SYNE3: variants seen among roughly 807,000 people sequenced by gnomAD.
The protein encoded by SYNE3 is spectrin repeat containing nuclear envelope family member 3.
Under a neutral mutation model 111.2 loss-of-function variants are expected in SYNE3, and 100 were observed. The observed-to-expected ratio is 0.90, with a 90% CI of 0.77 to 1.06. The LOEUF is 1.06. Among genes scored for constraint, SYNE3 ranks in the 50% least tolerant of loss-of-function variants. The pLI is 0.00. For missense variants in SYNE3, 1,160 were observed against 1,240.3 expected (o/e 0.94, Z 0.97); for synonymous variants, 547 against 533.9 (o/e 1.02, Z -0.34).
At chr14:95,503,022 C>G (rs115583367) in intron 1 of SYNE3, among the ~76,000 whole-genome samples, 1 of 152,132 alleles carries the variant, frequency 6.6e-6, no homozygotes, top group Non-Finnish European at 1.5e-5. Flanking sequence ...ATCTAAGGCA[C>G]GGGGATGAAG....
intron 1 of SYNE3, among the ~76,000 whole-genome samples, chr14:95,504,654 G>C (rs1347006771): frequency 6.6e-6 from 1 of 152,140 alleles, no homozygotes; most frequent in African/African-American, 2.4e-5. Flanking sequence ...CACCTTCCCA[G>C]GGCCTCACGG....
At chr14:95,455,782 C>A in intron 5 of SYNE3, 58 bp from the exon 6 acceptor site, 1 of 1,556,422 alleles carries the variant, frequency 6.4e-7, no homozygotes, top group Non-Finnish European at 8.8e-7. Flanking sequence ...ACAGTTGCTG[C>A]ATTTTCCAGA....
At chr14:95,466,280 C>T (rs1328724787) in intron 3 of SYNE3, 40 bp from the exon 4 acceptor site, 2 of 1,526,138 alleles carry the variant, frequency 1.3e-6, no homozygotes, top group East Asian at 4.6e-5. Context: ...GGGAACCAGC[C>T]ACCTGCCTCC....
intron 14 of SYNE3, 82 bp downstream of exon 14, chr14:95,438,951 A>T: frequency 6.4e-7 from 1 of 1,563,016 alleles, no homozygotes; most frequent in Non-Finnish European, 8.8e-7. Flanking sequence ...CCAGACAGGG[A>T]GGGGCCTGTG....
chr14:95,441,536 T>A (rs780802814), intron 11 of SYNE3, among the ~76,000 whole-genome samples: 2 of 152,196 alleles, frequency 1.3e-5, no homozygotes, highest in Non-Finnish European at 2.9e-5. Context: ...ATATAAACAA[T>A]CAATAAGAAT....
intron 1 of SYNE3, among the ~76,000 whole-genome samples, chr14:95,512,316 G>A (rs1194835157): frequency 1.3e-5 from 2 of 152,106 alleles, no homozygotes; most frequent in Non-Finnish European, 2.9e-5. Context: ...AATTTCATTT[G>A]TATTATGTAA....
intron 1 of SYNE3, among the ~76,000 whole-genome samples, chr14:95,493,058 G>A (rs1444653627): frequency 6.6e-6 from 1 of 152,126 alleles, no homozygotes; most frequent in African/African-American, 2.4e-5. Context: ...AACACCTTCA[G>A]TGATGGGTGG....
rs751271248 is a variant in SYNE3, at chr14:95,452,365, C to T, written c.1156G>A (p.Ala386Thr). The T allele has an allele frequency of 3.1e-6, 5 of 1,610,932 alleles. No individual in the cohort carries two copies. Among genetic ancestry groups the T allele is most frequent in the Admixed American group, 3.3e-5 (2 of 59,712 alleles). The change falls in exon 7 of 18, where the codon GCC becomes ACC. Residue 386 changes from alanine (A) to threonine (T), a missense_variant. Transcript: ENST00000682763. ...RRYSATRAAL[A>T]SEEPRVDRLQ... is the part of the protein sequence containing the mutation. Reference sequence around the variant, plus strand: ...CGGTCCACCCGGGGCTCCTCCGAGGCCAGCGCCGCCCGTGTTGCCTGCAGC... The same window carrying T: ...CGGTCCACCCGGGGCTCCTCCGAGGTCAGCGCCGCCCGTGTTGCCTGCAGC...
At chr14:95,450,804 C>T (rs1479573100) in intron 7 of SYNE3, 1 of 152,224 alleles carries the variant, frequency 6.6e-6, no homozygotes, top group Non-Finnish European at 1.5e-5. Flanking sequence ...TAACAAGCCT[C>T]AGTTTTCTCA....
At chr14:95,418,178 C>T (rs74078423) in intron 17 of SYNE3, 152 bp from the exon 18 acceptor site, 1 of 738,772 alleles carries the variant, frequency 1.4e-6, no homozygotes, top group Non-Finnish European at 2.2e-6. Flanking sequence ...TGAAACAGGG[C>T]TAATGTAAGT....
chr14:95,509,025 C>G (rs903008834), intron 1 of SYNE3, among the ~76,000 whole-genome samples: 10 of 152,236 alleles, frequency 6.6e-5, no homozygotes, highest in Non-Finnish European at 1.0e-4. Context: ...ATAGCGTGCT[C>G]TCTCTGGGCT....
At chr14:95,456,902 G>C (rs186170336) in intron 5 of SYNE3, among the ~76,000 whole-genome samples, 1,665 of 152,100 alleles carry the variant, frequency 0.011, 26 homozygotes, top group African/African-American at 0.038. Flanking sequence ...GGCTAACATG[G>C]TGAAACCCTG....
chr14:95,433,260 C>T lies in SYNE3; in HGVS notation c.2688G>A (p.Leu896=), dbSNP rs1026008556. ...KSKLKDSGHL[L]TQSSPGEPTG... is the part of the protein sequence containing the mutation. ...GGACCTGCACATCCTTGGCACCTAC[C>T]AGCAGGTGGCCAGAGTCCTTCAGCT... Residue 896 remains leucine (L), a splice_region_variant and synonymous_variant, in exon 16 of 18, where the codon CTG becomes CTA. Coordinates refer to ENST00000682763, the MANE Select transcript of SYNE3 (RefSeq NM_152592.6). 4 of 1,613,362 alleles carry T rather than the reference C, an allele frequency of 2.5e-6. No individual in the cohort carries two copies. The highest frequency in any genetic ancestry group is 3.4e-6 in the Non-Finnish European group (4 of 1,179,578).
At chr14:95,513,361 G>A (rs74082054) in intron 1 of SYNE3, among the ~76,000 whole-genome samples, 10,825 of 152,064 alleles carry the variant, frequency 0.071, 1,287 homozygotes, top group African/African-American at 0.25. Context: ...TCTATACCAC[G>A]TCTGCAGCCT....
At chr14:95,441,032 C>T (rs922415962) in intron 11 of SYNE3, among the ~76,000 whole-genome samples, 2 of 152,210 alleles carry the variant, frequency 1.3e-5, no homozygotes, top group African/African-American at 4.8e-5. Context: ...TTCTCTATGC[C>T]TCTGGCCACC....
intron 1 of SYNE3, among the ~76,000 whole-genome samples, chr14:95,483,719 G>A (rs1392834466): frequency 6.6e-6 from 1 of 152,174 alleles, no homozygotes; most frequent in Non-Finnish European, 1.5e-5. Flanking sequence ...TCCAAAGTGA[G>A]GAGCAATTAC....
chr14:95,438,728 A>G (rs1042456217), intron 14 of SYNE3: 4 of 275,720 alleles, frequency 1.5e-5, no homozygotes, highest in East Asian at 6.3e-5. Flanking sequence ...CAGCCCCGAC[A>G]CTCTCTTCCC....
Position 95,417,758 on chromosome 14 carries a change from G to C in SYNE3, c.*68C>G. On this transcript the variant is annotated 3_prime_UTR_variant, in exon 18 of 18. Coordinates refer to ENST00000682763, the MANE Select transcript of SYNE3 (RefSeq NM_152592.6). ...CCCCTGTTTCCAGTTTCCCTGGCGA[G>C]CATCCTCAGGAGGGGCCCTGGGACT... 3.2e-6 allele frequency: 5 copies of C among 1,539,818 alleles called. No homozygotes were observed. Among genetic ancestry groups the C allele is most frequent in the Non-Finnish European group, 4.5e-6 (5 of 1,112,776 alleles).
At chr14:95,436,091 C>T (rs955013735) in intron 15 of SYNE3, among the ~76,000 whole-genome samples, 25 of 152,102 alleles carry the variant, frequency 1.6e-4, no homozygotes, top group Non-Finnish European at 3.4e-4. Context: ...AGTTCAGTTG[C>T]AAAAATGGCT....
Sources: allele counts gnomAD v4.1 joint callset (sites outside exome capture counted in the v4.1 genomes callset), GRCh38; gene constraint gnomAD v4.1.1; transcripts MANE v1.5; gene names NCBI Gene and HGNC (gene_info 2026-07-23, HGNC 2026-07-21).